The following SAP30BP variants were observed in gnomAD, a reference collection of about 807,000 sequenced individuals.
SAP30BP encodes SAP30 binding protein.
A neutral mutation model predicts 46.3 loss-of-function variants in SAP30BP; 31 were observed. The observed-to-expected ratio is 0.67, with a 90% confidence interval of 0.50 to 0.90. The LOEUF (loss-of-function observed/expected upper bound fraction) is 0.90. Among genes scored for constraint, SAP30BP ranks in the 40% least tolerant of loss-of-function variants. The pLI is 0.00. For synonymous variants in SAP30BP, 169 were observed against 144.2 expected (o/e 1.17, Z -1.23); for missense variants, 312 against 391.0 (o/e 0.80, Z 1.70).
intron 4 of SAP30BP, among the ~76,000 whole-genome samples, chr17:75,699,241 T>C (rs1294319186): frequency 3.9e-5 from 6 of 152,216 alleles, no homozygotes; most frequent in African/African-American, 1.4e-4. Context: ...TCTTACTTTG[T>C]CACCCAGGCT....
intron 3 of SAP30BP, chr17:75,692,523 A>C: frequency 1.0e-6 from 1 of 985,416 alleles, no homozygotes; most frequent in Non-Finnish European, 1.2e-6. Context: ...AAATGGGGGA[A>C]ACAGGTGTGT....
At chr17:75,702,043 C>T (rs1274381022) in intron 5 of SAP30BP, among the ~76,000 whole-genome samples, 6 of 152,050 alleles carry the variant, frequency 3.9e-5, no homozygotes, top group South Asian at 2.1e-4. Flanking sequence ...TTTGTTTTGT[C>T]GAGACAGTCT....
chr17:75,691,558 A>G (rs1348554259), intron 3 of SAP30BP: 2 of 446,724 alleles, frequency 4.5e-6, no homozygotes, highest in East Asian at 7.0e-5. Context: ...TTGAAGAGCC[A>G]TTGCATGTTT....
At position 75,707,987 on chromosome 17, in the gene SAP30BP, A is replaced by C. The variant is rs1379417171; in HGVS notation, c.*1466A>C. ...TTCTTCTCTGAAATCACAGTAATAAAGCGTCGTAAGATGGTTGGGAAGAAC... is the reference window on the plus strand; with the variant it reads ...TTCTTCTCTGAAATCACAGTAATAACGCGTCGTAAGATGGTTGGGAAGAAC... On this transcript the variant is annotated 3_prime_UTR_variant, in exon 11 of 11. Coordinates refer to ENST00000584667, the MANE Select transcript of SAP30BP (RefSeq NM_013260.8). 1 of 152,202 alleles carries C rather than the reference A, an allele frequency of 6.6e-6. No homozygotes were observed. Among genetic ancestry groups the C allele is most frequent in the Non-Finnish European group, 1.5e-5 (1 of 68,028 alleles). 9.4% of individuals were successfully genotyped at this position (152,202 alleles called of 1,614,324 possible). A position where few individuals can be genotyped will look rare whatever the true frequency, so the allele number is the denominator to read the frequency against.
At chr17:75,703,501 C>A in intron 7 of SAP30BP, 130 bp downstream of exon 7, 1 of 779,834 alleles carries the variant, frequency 1.3e-6, no homozygotes, top group Admixed American at 2.2e-5. Context: ...CAGTCCCTGT[C>A]TCTTTTGTTT....
At chr17:75,680,795 A>T (rs1333212973) in intron 3 of SAP30BP, among the ~76,000 whole-genome samples, 1 of 152,186 alleles carries the variant, frequency 6.6e-6, no homozygotes, top group African/African-American at 2.4e-5. Context: ...GCACTTGGGG[A>T]TGCCCGAGGC....
At chr17:75,687,229 C>T (rs886244513) in intron 3 of SAP30BP, among the ~76,000 whole-genome samples, 4 of 152,138 alleles carry the variant, frequency 2.6e-5, no homozygotes, top group Admixed American at 6.5e-5. Flanking sequence ...ATAAATCATG[C>T]TCAATAAATT....
chr17:75,668,805 A>G (rs1365169318), intron 2 of SAP30BP, among the ~76,000 whole-genome samples, 180 bp downstream of exon 2: 1 of 152,236 alleles, frequency 6.6e-6, no homozygotes, highest in East Asian at 1.9e-4. Context: ...GTATTTTCAC[A>G]TGGATCATTT....
intron 3 of SAP30BP, among the ~76,000 whole-genome samples, chr17:75,687,603 G>A (rs2060175512): frequency 6.7e-6 from 1 of 149,316 alleles, no homozygotes; most frequent in African/African-American, 2.5e-5. Context: ...GTGACAGAGT[G>A]AGACCCTGTC....
intron 3 of SAP30BP, among the ~76,000 whole-genome samples, chr17:75,677,175 G>A (rs820133): frequency 0.34 from 48,419 of 141,072 alleles, 8,276 homozygotes; most frequent in East Asian, 0.56. Context: ...GCACAATCTC[G>A]GCTCACTGCA....
At chr17:75,697,190 TTTGTCTCTCTGTCACAA>T (rs2060335768) in intron 4 of SAP30BP, among the ~76,000 whole-genome samples, 1 of 152,184 alleles carries the variant, frequency 6.6e-6, no homozygotes, top group African/African-American at 2.4e-5. Context: ...AAGGGCACTC[TTTGTCTCTCTGTCACAA>T]GCACAGATAG....
intron 3 of SAP30BP, chr17:75,690,872 A>C: frequency 2.4e-6 from 1 of 411,966 alleles, no homozygotes; most frequent in South Asian, 1.8e-5. Context: ...CAACACAGAC[A>C]GCACAGTCTT....
chr17:75,677,776 T>TG (rs1705016980), intron 3 of SAP30BP, among the ~76,000 whole-genome samples: 1 of 142,082 alleles, frequency 7.0e-6, no homozygotes, highest in East Asian at 2.0e-4. Context: ...TTTTTTTTTT[T>TG]AAATCAAACG....
At position 75,704,573 on chromosome 17, in the gene SAP30BP, G is replaced by A. The variant is rs142047725; in HGVS notation, c.602-183G>A. On this transcript the variant is annotated intron_variant, in intron 8 of 10. Coordinates refer to ENST00000584667, the MANE Select transcript of SAP30BP (RefSeq NM_013260.8). ...CACACACAGGGCATGCAGCCCGCCA[G>A]TCTGGAGCTGAAGGCCCCTGCCCTA... 1.5e-5 allele frequency: 9 copies of A among 601,042 alleles called. No homozygotes were observed. In the Admixed American group the frequency reaches 2.5e-4, roughly 17 times the overall value. The allele number at this position is 601,042 out of a possible 1,614,324, so 37.2% of individuals were successfully genotyped here.
At chr17:75,671,893 G>A in intron 3 of SAP30BP, 30 bp downstream of exon 3, 1 of 1,594,780 alleles carries the variant, frequency 6.3e-7, no homozygotes, top group Non-Finnish European at 8.6e-7. Context: ...GTGGGTGGCT[G>A]GATGCAAACA....
intron 3 of SAP30BP, among the ~76,000 whole-genome samples, chr17:75,687,301 G>A (rs1174329202): frequency 1.3e-5 from 2 of 152,148 alleles, no homozygotes; most frequent in South Asian, 2.1e-4. Flanking sequence ...GGATTTAGGA[G>A]CATTAGGCCC....
chr17:75,668,669 C>A, intron 2 of SAP30BP, 44 bp downstream of exon 2: 1 of 1,320,284 alleles, frequency 7.6e-7, no homozygotes, highest in Non-Finnish European at 1.1e-6. Flanking sequence ...AGCACAATTT[C>A]ATTTGTCAGA....
intron 3 of SAP30BP, among the ~76,000 whole-genome samples, chr17:75,681,913 G>T (rs1347917806): frequency 6.6e-6 from 1 of 152,132 alleles, no homozygotes; most frequent in Non-Finnish European, 1.5e-5. Flanking sequence ...GAGTCCTTTT[G>T]CAGCATTGCA....
At chr17:75,683,820 C>A (rs2060120028) in intron 3 of SAP30BP, 1 of 152,228 alleles carries the variant, frequency 6.6e-6, no homozygotes, top group African/African-American at 2.4e-5. Flanking sequence ...TGTGATTAAG[C>A]CTGCAGGACC....
Sources: allele counts gnomAD v4.1 joint callset (sites outside exome capture counted in the v4.1 genomes callset), GRCh38; gene constraint gnomAD v4.1.1; transcripts MANE v1.5; gene names NCBI Gene and HGNC (gene_info 2026-07-23, HGNC 2026-07-21).